TRIM71: variants seen among roughly 807,000 people sequenced by gnomAD.
TRIM71 encodes E3 ubiquitin-protein ligase TRIM71.
TRIM71 carries 9 observed loss-of-function variants against 61.2 expected under a neutral mutation model. That is an observed-to-expected ratio of 0.15 (90% CI 0.09 to 0.26). The LOEUF (loss-of-function observed/expected upper bound fraction) is 0.26, where lower values mean the gene tolerates loss of function less well. TRIM71 is among the 10% of genes least tolerant of loss of function. The pLI, the probability that TRIM71 is intolerant of heterozygous loss-of-function variation, is 1.00. For missense variants in TRIM71, 998 were observed against 1,238.7 expected, an observed-to-expected ratio of 0.81 and a Z score of 2.92; for synonymous variants, 645 against 553.2, an observed-to-expected ratio of 1.17 and a Z score of -2.33.
intron 1 of TRIM71, among the ~76,000 whole-genome samples, chr3:32,847,091 GCA>G (rs1275450711): frequency 2.0e-5 from 3 of 152,008 alleles, no homozygotes; most frequent in Non-Finnish European, 4.4e-5. Context: ...GAGTGCAGTG[GCA>G]CCATCTCTGC....
intron 3 of TRIM71, among the ~76,000 whole-genome samples, chr3:32,888,685 C>T (rs961937008): frequency 2.6e-5 from 4 of 151,974 alleles, no homozygotes; most frequent in African/African-American, 9.7e-5. Context: ...GGATTACAGC[C>T]ACCTGCCACC....
chr3:32,862,936 A>G (rs1026106479), intron 1 of TRIM71, among the ~76,000 whole-genome samples: 2 of 152,194 alleles, frequency 1.3e-5, no homozygotes, highest in African/African-American at 2.4e-5. Flanking sequence ...AACTTAAGAT[A>G]ATATTTATAG....
intron 3 of TRIM71, among the ~76,000 whole-genome samples, chr3:32,887,218 T>G (rs1001058066): frequency 2.2e-4 from 33 of 152,160 alleles, no homozygotes; most frequent in African/African-American, 7.5e-4. Flanking sequence ...CGCTTTCACC[T>G]TAGTTACCCT....
chr3:32,883,422 T>C (rs1235316072), intron 2 of TRIM71, among the ~76,000 whole-genome samples: 1 of 152,264 alleles, frequency 6.6e-6, no homozygotes, highest in African/African-American at 2.4e-5. Context: ...GGAAGACTCA[T>C]TGCTTTCCTC....
intron 2 of TRIM71, among the ~76,000 whole-genome samples, chr3:32,877,860 A>C (rs1696866638): frequency 6.6e-6 from 1 of 152,150 alleles, no homozygotes; most frequent in Admixed American, 6.5e-5. Context: ...GAGTTCACCC[A>C]TTAGGGTTGG....
chr3:32,838,112 C>T (rs1696356029), intron 1 of TRIM71, among the ~76,000 whole-genome samples: 1 of 152,162 alleles, frequency 6.6e-6, no homozygotes, highest in Non-Finnish European at 1.5e-5. Flanking sequence ...TCTGGAGACC[C>T]TTACATCAGT....
intron 2 of TRIM71, among the ~76,000 whole-genome samples, chr3:32,884,839 A>T (rs2125691900): frequency 6.6e-6 from 1 of 152,262 alleles, no homozygotes; most frequent in Non-Finnish European, 1.5e-5. Flanking sequence ...ACTATTAATA[A>T]CAGTGTTTTA....
Position 32,890,641 on chromosome 3 carries a change from C to T in TRIM71, c.1437C>T (p.Ser479=), listed in dbSNP as rs1339478652. The part of the protein sequence containing the change: ...YLAIKSFGFV[S]SGAFAPLTKA... ...CCATCAAGTCTTTTGGCTTTGTTAG[C>T]AGCGGGGCCTTTGCCCCACTCACCA... The change falls in exon 4 of 4, where the codon AGC becomes AGT. Residue 479 remains serine (S), a synonymous_variant. Transcript: ENST00000383763. The surrounding 1 kb of genome is among the most constrained non-coding windows in gnomAD (Gnocchi z 6.2). 1.5e-5 allele frequency: 24 copies of T among 1,613,800 alleles called. No individual in the cohort carries two copies. The highest frequency in any genetic ancestry group is 2.0e-5 in the Non-Finnish European group (24 of 1,180,058).
At chr3:32,848,964 T>TA (rs2125681389) in intron 1 of TRIM71, among the ~76,000 whole-genome samples, 1 of 151,898 alleles carries the variant, frequency 6.6e-6, no homozygotes, top group East Asian at 1.9e-4. Flanking sequence ...GCTCTGGGGG[T>TA]CTAGGGTTGG....
At chr3:32,872,731 C>T (rs1028896092) in intron 1 of TRIM71, among the ~76,000 whole-genome samples, 1 of 152,206 alleles carries the variant, frequency 6.6e-6, no homozygotes, top group Non-Finnish European at 1.5e-5. Flanking sequence ...CTCATGCTGG[C>T]TTCCCTGCTG....
At chr3:32,885,772 A>G (rs1696955177) in intron 2 of TRIM71, among the ~76,000 whole-genome samples, 162 bp from the exon 3 acceptor site, 1 of 152,238 alleles carries the variant, frequency 6.6e-6, no homozygotes, top group Non-Finnish European at 1.5e-5. Flanking sequence ...AACAGATGCC[A>G]GTCTCTCCCT....
rs957356505 is a variant in TRIM71, at chr3:32,820,111, G to A, written c.852+1179G>A. ...ATCTACCTGTAGACCGGTAAGAGAG[G>A]GTGTGGGTGAAAGTCTTGACTTAGA... On this transcript the variant is annotated intron_variant, in intron 1 of 3. Coordinates refer to ENST00000383763, the MANE Select transcript of TRIM71 (RefSeq NM_001039111.3). Among the ~76,000 whole-genome samples the A allele has an allele frequency of 5.3e-5, 8 of 152,230 alleles. No homozygotes were observed. The East Asian group carries it at 1.3e-3, about 26-fold the overall frequency.
rs777685448 is a variant in TRIM71, at chr3:32,890,647, G to A, written c.1443G>A (p.Gly481=). ...AIKSFGFVSS[G]AFAPLTKATG... ...AGTCTTTTGGCTTTGTTAGCAGCGG[G>A]GCCTTTGCCCCACTCACCAAGGCCA... The change falls in exon 4 of 4, where the codon GGG becomes GGA. Residue 481 remains glycine (G), a synonymous_variant. Transcript: ENST00000383763. This position sits in a 1 kb window ranked among gnomAD's most constrained non-coding sequence, Gnocchi z 6.2. The A allele has an allele frequency of 1.9e-6, 3 of 1,613,910 alleles. No homozygotes were observed. Among genetic ancestry groups the A allele is most frequent in the Non-Finnish European group, 2.5e-6 (3 of 1,180,040 alleles).
chr3:32,888,474 G>T (rs894192947), intron 3 of TRIM71, among the ~76,000 whole-genome samples: 3 of 126,846 alleles, frequency 2.4e-5, no homozygotes, highest in East Asian at 4.2e-4. Flanking sequence ...AAAAAAAAAA[G>T]GTGCCCTGTG....
chr3:32,857,948 G>A (rs1696623777), intron 1 of TRIM71, among the ~76,000 whole-genome samples: 1 of 152,148 alleles, frequency 6.6e-6, no homozygotes, highest in African/African-American at 2.4e-5. Context: ...TCTAGCCTGG[G>A]TGATAGAGTG....
chr3:32,853,104 TTCTC>T (rs763285866), intron 1 of TRIM71, among the ~76,000 whole-genome samples: 12 of 129,900 alleles, frequency 9.2e-5, no homozygotes, highest in African/African-American at 3.4e-4. Flanking sequence ...TGGAGATTAT[TTCTC>T]TCTCTCTCTC....
intron 2 of TRIM71, among the ~76,000 whole-genome samples, chr3:32,880,275 C>T (rs377294481): frequency 5.3e-5 from 8 of 151,980 alleles, no homozygotes; most frequent in East Asian, 3.9e-4. Flanking sequence ...GTGATCTATC[C>T]GCTTCCACCT....
intron 1 of TRIM71, among the ~76,000 whole-genome samples, chr3:32,840,124 C>T (rs1466825702): frequency 6.6e-6 from 1 of 152,146 alleles, no homozygotes; most frequent in Admixed American, 6.5e-5. Context: ...AGGAGTTGTT[C>T]ATCTCCTGCT....
chr3:32,868,847 T>C (rs1178653519), intron 1 of TRIM71, among the ~76,000 whole-genome samples: 1 of 152,160 alleles, frequency 6.6e-6, no homozygotes, highest in Non-Finnish European at 1.5e-5. Flanking sequence ...TGTCTTGAAC[T>C]GGTGAGGACT....
Sources: gnomAD v4.1 joint callset for allele counts (sites outside exome capture counted in the v4.1 genomes callset) on GRCh38, gnomAD v4.1.1 for gene constraint, Gnocchi (gnomAD v3.1) non-coding constraint, MANE v1.5 for transcripts, NCBI Gene and HGNC (gene_info 2026-07-23, HGNC 2026-07-21) for gene names.